Variants in GRM7 observed in about 807,000 individuals in gnomAD.
GRM7 encodes the protein metabotropic glutamate receptor 7.
Under a neutral mutation model 84.5 loss-of-function variants are expected in GRM7, and 35 were observed. The ratio of observed to expected loss-of-function variants is 0.41; its 90% CI spans 0.32 to 0.55. GRM7 has a LOEUF of 0.55. Among genes scored for constraint, GRM7 ranks in the 20% least tolerant of loss-of-function variants. The pLI is 0.19. For missense variants in GRM7, 1,003 were observed against 1,194.6 expected (o/e 0.84, Z 2.36); for synonymous variants, 487 against 455.1 (o/e 1.07, Z -0.89).
chr3:7,155,178 T>C (rs1694409184), intron 2 of GRM7, among the ~76,000 whole-genome samples: 1 of 152,132 alleles, frequency 6.6e-6, no homozygotes, highest in African/African-American at 2.4e-5. Flanking sequence ...TCAGAGAAAG[T>C]GAACTAGTGA....
intron 1 of GRM7, among the ~76,000 whole-genome samples, chr3:7,051,218 A>G (rs1471815078): frequency 6.6e-6 from 1 of 151,702 alleles, no homozygotes; most frequent in Non-Finnish European, 1.5e-5. Flanking sequence ...TCCCTTAGGA[A>G]TGGTGCTTTA....
intron 8 of GRM7, among the ~76,000 whole-genome samples, chr3:7,631,736 G>A (rs964764035): frequency 7.2e-5 from 11 of 152,004 alleles, no homozygotes; most frequent in East Asian, 5.8e-4. Context: ...AGCAACCCCC[G>A]TTTCCCGGGT....
chr3:7,261,750 G>C (rs190232987), intron 2 of GRM7, among the ~76,000 whole-genome samples: 1 of 152,286 alleles, frequency 6.6e-6, no homozygotes, highest in Admixed American at 6.5e-5. Flanking sequence ...TCCATACTTA[G>C]TAGTTCTTTC....
intron 7 of GRM7, among the ~76,000 whole-genome samples, chr3:7,494,215 C>G (rs572948639): frequency 1.3e-5 from 2 of 152,200 alleles, no homozygotes; most frequent in East Asian, 3.9e-4. Context: ...TTCCATGTCT[C>G]CTTTATCCTT....
chr3:7,121,051 C>T, intron 1 of GRM7, among the ~76,000 whole-genome samples: 1 of 152,112 alleles, frequency 6.6e-6, no homozygotes, highest in East Asian at 1.9e-4. Flanking sequence ...ATCATGGTGC[C>T]TCTGGCCCTA....
At chr3:7,077,344 C>T (rs562500415) in intron 1 of GRM7, among the ~76,000 whole-genome samples, 4 of 152,178 alleles carry the variant, frequency 2.6e-5, no homozygotes, top group African/African-American at 9.6e-5. Context: ...CAATGATAGA[C>T]TGGATTAAGA....
chr3:7,018,800 A>G (rs1695667194), intron 1 of GRM7, among the ~76,000 whole-genome samples: 1 of 152,216 alleles, frequency 6.6e-6, no homozygotes, highest in Non-Finnish European at 1.5e-5. Flanking sequence ...CGTTGCTTAA[A>G]AAGTAAGTTT....
intron 7 of GRM7, among the ~76,000 whole-genome samples, chr3:7,516,333 C>G (rs1188578526): frequency 6.6e-6 from 1 of 150,516 alleles, no homozygotes; most frequent in Admixed American, 6.6e-5. Context: ...AAAAATTAGC[C>G]AGGCGTGGTG....
intron 7 of GRM7, among the ~76,000 whole-genome samples, chr3:7,485,808 G>A (rs1331315209): frequency 3.3e-5 from 5 of 152,166 alleles, no homozygotes; most frequent in African/African-American, 9.7e-5. Flanking sequence ...AATCGCTGAT[G>A]CCACTGCATG....
At chr3:7,686,486 C>A in intron 9 of GRM7, 1 of 871,786 alleles carries the variant, frequency 1.1e-6, no homozygotes, top group Non-Finnish European at 1.9e-6. Flanking sequence ...TTTATGTGTT[C>A]TTGTCTCCAA....
chr3:7,229,759 ATTTTTTTT>A (rs1200808989), intron 2 of GRM7, among the ~76,000 whole-genome samples: 1 of 30,434 alleles, frequency 3.3e-5, no homozygotes, highest in Non-Finnish European at 5.7e-5. Flanking sequence ...ATATATATAT[ATTTTTTTT>A]TTTTTTTGGT....
Position 6,861,212 on chromosome 3 carries a change from A to C in GRM7, c.-177A>C. 2.0e-6 allele frequency: 1 copy of C among 493,392 alleles called. No individual in the cohort carries two copies. The allele number at this position is 493,392 out of a possible 1,614,324, so 30.6% of individuals were successfully genotyped here. ...AGAGCGCGAGGCGCCCCAGGCTGGC[A>C]GGCGCCGCGGGACCCCTCACCCTCT... On this transcript the variant is annotated 5_prime_UTR_variant, in exon 1 of 10. Transcript: ENST00000357716. This position sits in a 1 kb window ranked among gnomAD's most constrained non-coding sequence, Gnocchi z 6.4.
chr3:7,565,677 G>A lies in GRM7; in HGVS notation c.1516-12745G>A, dbSNP rs73116062. ...TGAAAAGTCATTGATGATATTAACC[G>A]AAAGGATGACATGATTAGACCTGCA... is the stretch of plus-strand genomic sequence containing the variant. On this transcript the variant is annotated intron_variant, in intron 7 of 9. Coordinates refer to ENST00000357716, the MANE Select transcript of GRM7 (RefSeq NM_000844.4). 7.4e-3 allele frequency among the ~76,000 whole-genome samples: 1,126 copies of A among 152,256 alleles called. 11 individuals carry two copies. The highest frequency in any genetic ancestry group is 0.024 in the African/African-American group (985 of 41,538).
chr3:6,893,944 C>G (rs966236996), intron 1 of GRM7: 2 of 152,128 alleles, frequency 1.3e-5, no homozygotes, highest in Admixed American at 1.3e-4. Context: ...TTAGCATTTT[C>G]TATTAAATTG....
At chr3:7,534,067 T>A (rs1701148880) in intron 7 of GRM7, among the ~76,000 whole-genome samples, 1 of 146,710 alleles carries the variant, frequency 6.8e-6, no homozygotes. Context: ...AAGGCTGGAG[T>A]GCAGTAGCAC....
rs934308583 is a variant in GRM7, at chr3:7,435,081, A to G, written c.1175-17526A>G. Among the ~76,000 whole-genome samples the G allele has an allele frequency of 2.0e-5, 3 of 152,208 alleles. No homozygotes were observed. In the East Asian group the frequency reaches 5.8e-4, roughly 29 times the overall value. On this transcript the variant is annotated intron_variant, in intron 5 of 9. Transcript: ENST00000357716. ...CCTAAATTAATTTATTGGCAAGCAA[A>G]AACTTGTTCATAATGTTTCTTATTA...
intron 8 of GRM7, among the ~76,000 whole-genome samples, chr3:7,635,429 C>G (rs1421818746): frequency 6.6e-6 from 1 of 152,148 alleles, no homozygotes; most frequent in East Asian, 1.9e-4. Context: ...GTTGTCAAAC[C>G]AACCTAACTC....
At position 7,162,700 on chromosome 3, in the gene GRM7, C is replaced by T. The variant is rs963516804; in HGVS notation, c.736+16032C>T. On this transcript the variant is annotated intron_variant, in intron 2 of 9. Transcript: ENST00000357716. ...TGAGGATGTTTGTTTTCTGCATCTACTTGCAATCTCCCATTACTCCCATTT... is the reference window on the plus strand; with the variant it reads ...TGAGGATGTTTGTTTTCTGCATCTATTTGCAATCTCCCATTACTCCCATTT... 3.2e-5 allele frequency among the ~76,000 whole-genome samples: 4 copies of T among 126,416 alleles called. No individual in the cohort carries two copies. In the East Asian group the frequency reaches 9.7e-4, roughly 31 times the overall value. 82.9% of individuals were successfully genotyped at this position (126,416 alleles called of 152,430 possible).
intron 4 of GRM7, among the ~76,000 whole-genome samples, chr3:7,307,442 G>A (rs539163208): frequency 7.2e-5 from 11 of 152,284 alleles, no homozygotes; most frequent in South Asian, 2.1e-4. Context: ...CATGCTTTGC[G>A]CATTAAAAAG....
Sources: allele counts gnomAD v4.1 joint callset (sites outside exome capture counted in the v4.1 genomes callset), GRCh38; gene constraint gnomAD v4.1.1; non-coding constraint Gnocchi (gnomAD v3.1); transcripts MANE v1.5; gene names NCBI Gene and HGNC (gene_info 2026-07-23, HGNC 2026-07-21).